The following CSMD3 variants were observed in gnomAD, a reference collection of about 807,000 sequenced individuals.
The protein encoded by CSMD3 is CUB and sushi domain-containing protein 3.
A neutral mutation model predicts 435.2 loss-of-function variants in CSMD3; 177 were observed. The ratio of observed to expected loss-of-function variants is 0.41; its 90% confidence interval spans 0.36 to 0.46. The LOEUF is 0.46. CSMD3 is among the 20% of genes least tolerant of loss of function. CSMD3 has a pLI of 0.34. For synonymous variants in CSMD3, 1,656 were observed against 1,520.5 expected, an observed-to-expected ratio of 1.09 and a Z score of -2.07; for missense variants, 4,265 against 4,504.6, an observed-to-expected ratio of 0.95 and a Z score of 1.52.
chr8:112,590,649 C>T (rs1194474492), intron 22 of CSMD3, among the ~76,000 whole-genome samples: 5 of 151,986 alleles, frequency 3.3e-5, no homozygotes, highest in Admixed American at 6.6e-5. Context: ...TGGGGAAATA[C>T]TTTTGTCTTT....
At position 112,494,494 on chromosome 8, in the gene CSMD3, C is replaced by CTTTTCTTTCTTTCTTT. The variant is rs377610586; in HGVS notation, c.5084-1812_5084-1811insAAAGAAAGAAAGAAAA. On this transcript the variant is annotated intron_variant, in intron 30 of 70. Transcript: ENST00000297405. ...TTTCTTTTCTTTTGTTTCTTTCTCT[C>CTTTTCTTTCTTTCTTT]CTTTCTTTCTTTCTTTCTTTCTTTC... 2.7e-3 allele frequency among the ~76,000 whole-genome samples: 109 copies of CTTTTCTTTCTTTCTTT among 40,226 alleles called. 18 individuals are homozygous for CTTTTCTTTCTTTCTTT. The highest frequency in any genetic ancestry group is 7.4e-3 in the East Asian group (15 of 2,018). The allele number at this position is 40,226 out of a possible 152,430, so 26.4% of individuals were successfully genotyped here. A position where few individuals can be genotyped will look rare whatever the true frequency, so the allele number is the denominator to read the frequency against.
At chr8:113,140,625 AATGTGGACACT>A (rs1202255203) in intron 4 of CSMD3, among the ~76,000 whole-genome samples, 3 of 151,220 alleles carry the variant, frequency 2.0e-5, no homozygotes. Flanking sequence ...AATCTTCAAA[AATGTGGACACT>A]AAACATCACA....
In CSMD3 at chr8:113,095,378, T is replaced by TTA. The variant is rs1381422942; in HGVS notation, c.917+3376_917+3377dup. On this transcript the variant is annotated intron_variant, in intron 5 of 70. Coordinates refer to ENST00000297405, the MANE Select transcript of CSMD3 (RefSeq NM_198123.2). The stretch of plus-strand genomic sequence containing the variant: ...TTGCAAAATTCCCTGAACAACTTAT[T>TTA]TATAGTAATTGCCTATAATATCTCT... Among the ~76,000 whole-genome samples, 3 of 152,162 alleles carry TTA rather than the reference T, an allele frequency of 2.0e-5. No homozygotes were observed. The East Asian group carries it at 5.8e-4, about 29-fold the overall frequency.
intron 3 of CSMD3, among the ~76,000 whole-genome samples, chr8:113,267,540 T>C (rs72670728): frequency 0.066 from 9,960 of 151,588 alleles, 444 homozygotes; most frequent in Non-Finnish European, 0.094. Context: ...GGATCTAAGA[T>C]ATTTGATCAA....
chr8:112,563,521 T>C (rs568665576), intron 24 of CSMD3, among the ~76,000 whole-genome samples: 10 of 151,922 alleles, frequency 6.6e-5, no homozygotes, highest in Non-Finnish European at 1.0e-4. Context: ...TAGTAAGTAA[T>C]ATTAAACGGG....
intron 13 of CSMD3, among the ~76,000 whole-genome samples, chr8:112,755,706 G>C (rs777735733): frequency 4.6e-5 from 7 of 150,896 alleles, no homozygotes; most frequent in Non-Finnish European, 1.0e-4. Context: ...TTGTCTGTAT[G>C]ACAAGGATAA....
At chr8:112,705,927 C>A (rs1226579767) in intron 13 of CSMD3, among the ~76,000 whole-genome samples, 2 of 151,954 alleles carry the variant, frequency 1.3e-5, no homozygotes, top group Admixed American at 6.6e-5. Context: ...CCTTGACTTG[C>A]CTTGAGGTAG....
intron 5 of CSMD3, among the ~76,000 whole-genome samples, chr8:113,034,222 C>T (rs2087243947): frequency 6.6e-6 from 1 of 151,316 alleles, no homozygotes; most frequent in African/African-American, 2.4e-5. Flanking sequence ...AAGGTTTTAA[C>T]CTTAAATATT....
At chr8:112,593,492 C>T (rs899305421) in intron 22 of CSMD3, among the ~76,000 whole-genome samples, 1 of 152,070 alleles carries the variant, frequency 6.6e-6, no homozygotes, top group African/African-American at 2.4e-5. Flanking sequence ...TGTATTTTTG[C>T]ACAAGATAAA....
chr8:112,371,713 C>A (rs547413859), intron 38 of CSMD3, among the ~76,000 whole-genome samples: 125 of 152,022 alleles, frequency 8.2e-4, no homozygotes, highest in African/African-American at 2.9e-3. Flanking sequence ...CATGGTGAAA[C>A]CCTGTCTCTA....
intron 2 of CSMD3, among the ~76,000 whole-genome samples, chr8:113,296,931 C>T (rs1031211596): frequency 1.3e-5 from 2 of 151,996 alleles, no homozygotes; most frequent in African/African-American, 2.4e-5. Context: ...TCCTTGTAAA[C>T]ACAAGCGAAA....
rs2130757559 is a variant in CSMD3, at chr8:112,301,839, T to C, written c.8394A>G (p.Glu2798=). ...GFMLVGSAVR[E]CLSSGLWSES... is the part of the protein sequence containing the mutation. ...CACTCCAAAGACCTGAGGAAAGGCATTCCCTTACAGCAGAGCCCACAAGCA... is the reference window on the plus strand; with the variant it reads ...CACTCCAAAGACCTGAGGAAAGGCACTCCCTTACAGCAGAGCCCACAAGCA... The change falls in exon 53 of 71, where the codon GAA becomes GAG. Residue 2798 remains glutamate (E), a synonymous_variant. Coordinates refer to ENST00000297405, the MANE Select transcript of CSMD3 (RefSeq NM_198123.2). 1 of 1,613,858 alleles carries C rather than the reference T, an allele frequency of 6.2e-7. No homozygotes were observed. Among genetic ancestry groups the C allele is most frequent in the Non-Finnish European group, 8.5e-7 (1 of 1,179,866 alleles).
chr8:112,318,941 A>G lies in CSMD3; in HGVS notation c.7256T>C (p.Ile2419Thr), dbSNP rs778312818. 1.9e-5 allele frequency: 31 copies of G among 1,598,774 alleles called. No homozygotes were observed. Among genetic ancestry groups the G allele is most frequent in the Non-Finnish European group, 2.5e-5 (29 of 1,167,762 alleles). The change falls in exon 47 of 71, where the codon ATT (isoleucine) becomes ACT (threonine). Residue 2419 changes from isoleucine to threonine, a missense_variant. Transcript: ENST00000297405. ...AAATCCTGGAAGACACTGATACCTA[A>G]TAATATCACCTATTAAACAAAAGAG... ...EDDEFEIGDIIRYQCLPGFTL... is the reference protein window; with the variant it reads ...EDDEFEIGDITRYQCLPGFTL...
intron 59 of CSMD3, 123 bp downstream of exon 59, chr8:112,281,051 A>AT: frequency 1.4e-6 from 1 of 731,080 alleles, no homozygotes; most frequent in Non-Finnish European, 2.3e-6. Flanking sequence ...TTTAATCTGA[A>AT]AGGCAGTACA....
At chr8:112,821,938 T>C (rs1357739890) in intron 12 of CSMD3, among the ~76,000 whole-genome samples, 4 of 152,212 alleles carry the variant, frequency 2.6e-5, no homozygotes, top group Non-Finnish European at 5.9e-5. Context: ...TTTGTTAGGT[T>C]TGTTGAAGAT....
chr8:112,633,219 T>C (rs867765097), intron 22 of CSMD3, among the ~76,000 whole-genome samples: 31 of 152,144 alleles, frequency 2.0e-4, no homozygotes, highest in Admixed American at 5.9e-4. Flanking sequence ...TGAAGAAGTT[T>C]TCCTCTAGTT....
At chr8:112,244,125 G>T (rs1318198289) in intron 65 of CSMD3, among the ~76,000 whole-genome samples, 1 of 152,038 alleles carries the variant, frequency 6.6e-6, no homozygotes, top group African/African-American at 2.4e-5. Flanking sequence ...TGTTATAAAA[G>T]CCCTAGAAAA....
chr8:112,745,919 TA>T lies in CSMD3; in HGVS notation c.1972+54242del, dbSNP rs536918944. Among the ~76,000 whole-genome samples the T allele has an allele frequency of 8.7e-4, 133 of 152,310 alleles. 1 individual carries two copies. The highest frequency in any genetic ancestry group is 1.5e-3 in the Non-Finnish European group (103 of 68,014). ...AATAAGAACTAAAGAAACATTTTGCTAATTTTTTTTCTTAATACAGGTAATT... is the reference window on the plus strand; with the variant it reads ...AATAAGAACTAAAGAAACATTTTGCTATTTTTTTTCTTAATACAGGTAATT... On this transcript the variant is annotated intron_variant, in intron 13 of 70. Coordinates refer to ENST00000297405, the MANE Select transcript of CSMD3 (RefSeq NM_198123.2).
chr8:112,912,954 A>G (rs2082467188), intron 10 of CSMD3, among the ~76,000 whole-genome samples: 1 of 152,010 alleles, frequency 6.6e-6, no homozygotes, highest in South Asian at 2.1e-4. Context: ...AGGTATATGG[A>G]AAAAAAATGT....
Sources: allele counts gnomAD v4.1 joint callset (sites outside exome capture counted in the v4.1 genomes callset), GRCh38; gene constraint gnomAD v4.1.1; transcripts MANE v1.5; gene names NCBI Gene and HGNC (gene_info 2026-07-23, HGNC 2026-07-21).